Variants in FRK observed in about 807,000 individuals in gnomAD.
FRK encodes the protein tyrosine-protein kinase FRK.
In FRK, 51 loss-of-function variants were observed where a neutral mutation model predicts 56.4. The observed-to-expected ratio is 0.90, with a 90% confidence interval of 0.72 to 1.14. The LOEUF (loss-of-function observed/expected upper bound fraction) is 1.14. Among genes scored for constraint, FRK ranks in the 50% most tolerant of loss-of-function variants. The probability of loss-of-function intolerance (pLI) is 0.00; values close to 1 mark genes in which losing one functional copy is unlikely to be tolerated. For missense variants in FRK, 570 were observed against 601.4 expected, an observed-to-expected ratio of 0.95 and a Z score of 0.55; for synonymous variants, 245 against 217.9, an observed-to-expected ratio of 1.12 and a Z score of -1.10.
At chr6:116,080,715 T>C in the FRK span, among the ~76,000 whole-genome samples, 4 of 152,154 alleles carry the variant, frequency 2.6e-5, no homozygotes, top group South Asian at 6.2e-4. Flanking sequence ...AGACAATTCA[T>C]AGGCAAAGAA....
chr6:115,994,338 C>CCCCCCCT (rs1554230544), intron 2 of FRK, among the ~76,000 whole-genome samples: 7 of 91,770 alleles, frequency 7.6e-5, no homozygotes, highest in Non-Finnish European at 1.5e-4. Flanking sequence ...CCCCCCCCGC[C>CCCCCCCT]TTTTTTTTGT....
intron 4 of FRK, among the ~76,000 whole-genome samples, chr6:115,962,402 C>A (rs1456000744): frequency 6.8e-6 from 1 of 146,422 alleles, no homozygotes; most frequent in Non-Finnish European, 1.5e-5. Flanking sequence ...AAAGCAAGTC[C>A]TGAGTGACCT....
At chr6:116,003,097 A>G (rs1259245600) in intron 2 of FRK, among the ~76,000 whole-genome samples, 3 of 152,216 alleles carry the variant, frequency 2.0e-5, no homozygotes, top group African/African-American at 7.2e-5. Context: ...CTCTCCCTCC[A>G]CAAGGTTCAC....
chr6:116,099,592 T>A, the FRK span, among the ~76,000 whole-genome samples: 1 of 152,222 alleles, frequency 6.6e-6, no homozygotes, highest in African/African-American at 2.4e-5. Flanking sequence ...ACTTTTCCTA[T>A]TCCAGAGAGA....
chr6:115,955,236 T>C (rs1280715288), intron 5 of FRK, among the ~76,000 whole-genome samples: 2 of 150,920 alleles, frequency 1.3e-5, no homozygotes, highest in Non-Finnish European at 3.0e-5. Flanking sequence ...AAGGAGGAAA[T>C]GCCATTGAGT....
chr6:116,014,459 C>T (rs1264933309), intron 1 of FRK, among the ~76,000 whole-genome samples: 1 of 150,004 alleles, frequency 6.7e-6, no homozygotes, highest in Non-Finnish European at 1.5e-5. Flanking sequence ...GAAAGAGATA[C>T]AGAAATCTAA....
At chr6:116,088,757 A>T in the FRK span, among the ~76,000 whole-genome samples, 1 of 152,342 alleles carries the variant, frequency 6.6e-6, no homozygotes, top group South Asian at 2.1e-4. Flanking sequence ...TTATGAATGA[A>T]TGATTGATTG....
chr6:116,086,591 A>C, the FRK span, among the ~76,000 whole-genome samples: 1 of 152,202 alleles, frequency 6.6e-6, no homozygotes, highest in African/African-American at 2.4e-5. Context: ...AGAACGAAAA[A>C]TTAATGGTTG....
At position 115,956,629 on chromosome 6, in the gene FRK, G is replaced by A. The variant is rs17077423; in HGVS notation, c.800-19C>T. 0.037 allele frequency: 56,455 copies of A among 1,514,396 alleles called. 2,542 individuals carry two copies. The highest frequency in any genetic ancestry group is 0.22 in the Admixed American group (10,477 of 46,978). 93.8% of individuals were successfully genotyped at this position (1,514,396 alleles called of 1,614,324 possible). A position where few individuals can be genotyped will look rare whatever the true frequency, so the allele number is the denominator to read the frequency against. ...ATTGAACCTGAAACAAGAAGAGGGA[G>A]AAATCACTTTATGTTATTGAGGCAT... is the stretch of plus-strand genomic sequence containing the variant. On this transcript the variant is annotated intron_variant, in intron 4 of 7. Transcript: ENST00000606080.
chr6:116,089,653 C>T, the FRK span, among the ~76,000 whole-genome samples: 2 of 152,300 alleles, frequency 1.3e-5, no homozygotes, highest in South Asian at 2.1e-4. Context: ...GTTTGTGCAT[C>T]TCTGCTGTAT....
intron 5 of FRK, among the ~76,000 whole-genome samples, chr6:115,950,630 A>C (rs1050626812): frequency 6.6e-6 from 1 of 152,196 alleles, no homozygotes; most frequent in Admixed American, 6.5e-5. Context: ...AGGATCTAGA[A>C]CTAGAAAATA....
rs551930007 is a variant in FRK at position 115,998,222 on chromosome 6, C to T, written c.466+5655G>A. On this transcript the variant is annotated intron_variant, in intron 2 of 7. Coordinates refer to ENST00000606080, the MANE Select transcript of FRK (RefSeq NM_002031.3). ...TTCAAACAGCAACTAGTGATTCCAC[C>T]GTGTGTGTTCCTCTCATATCCCCCC... is the stretch of plus-strand genomic sequence containing the variant. Among the ~76,000 whole-genome samples, 146 of 152,262 alleles carry T rather than the reference C, an allele frequency of 9.6e-4. 3 individuals carry two copies. Among genetic ancestry groups the T allele is most frequent in the Admixed American group, 9.4e-3 (143 of 15,290 alleles).
intron 1 of FRK, among the ~76,000 whole-genome samples, chr6:116,024,879 C>A (rs1465700721): frequency 3.9e-5 from 6 of 152,134 alleles, no homozygotes; most frequent in Admixed American, 2.6e-4. Context: ...TACAGTCCCA[C>A]CAACAGTATA....
chr6:115,994,332 C>A lies in FRK; in HGVS notation c.466+9545G>T, dbSNP rs919925718. On this transcript the variant is annotated intron_variant, in intron 2 of 7. Transcript: ENST00000606080. ...TCCAGAATCTCACAACCTCCCCCCC[C>A]CCCGCCTTTTTTTTGTCATTATACT... Among the ~76,000 whole-genome samples, 44 of 106,446 alleles carry A rather than the reference C, an allele frequency of 4.1e-4. 10 individuals are homozygous for A. In the South Asian group the frequency reaches 9.9e-3, roughly 24 times the overall value. The allele number at this position is 106,446 out of a possible 152,430, so 69.8% of individuals were successfully genotyped here.
the FRK span, among the ~76,000 whole-genome samples, chr6:116,070,221 C>T: frequency 2.0e-5 from 3 of 151,306 alleles, no homozygotes; most frequent in Admixed American, 6.6e-5. Context: ...CAACCCTGTA[C>T]AAGAGAATCT....
chr6:116,053,923 C>T (rs1777274883), intron 1 of FRK, among the ~76,000 whole-genome samples: 1 of 152,054 alleles, frequency 6.6e-6, no homozygotes, highest in Admixed American at 6.6e-5. Context: ...AGCTTTACTG[C>T]TATTAATTAC....
chr6:115,977,054 T>C (rs1353142047), intron 2 of FRK, among the ~76,000 whole-genome samples: 8 of 152,160 alleles, frequency 5.3e-5, no homozygotes, highest in African/African-American at 1.9e-4. Flanking sequence ...TTTAGATTTG[T>C]TTATACTTTT....
At chr6:116,081,377 C>A in the FRK span, among the ~76,000 whole-genome samples, 3 of 152,154 alleles carry the variant, frequency 2.0e-5, no homozygotes, top group African/African-American at 7.2e-5. Context: ...ATTCTATAGG[C>A]CAGGTGCAGT....
intron 1 of FRK, among the ~76,000 whole-genome samples, chr6:116,049,102 C>T (rs995528692): frequency 6.6e-6 from 1 of 152,044 alleles, no homozygotes; most frequent in African/African-American, 2.4e-5. Context: ...CCATTCCTAC[C>T]TCCTCGTAGT....
Sources: gnomAD v4.1 joint callset for allele counts (sites outside exome capture counted in the v4.1 genomes callset) on GRCh38, gnomAD v4.1.1 for gene constraint, MANE v1.5 for transcripts, NCBI Gene and HGNC (gene_info 2026-07-23, HGNC 2026-07-21) for gene names.